The following C8G variants were observed in gnomAD, a reference collection of about 807,000 sequenced individuals.
C8G encodes the protein complement C8 gamma chain.
Under a neutral mutation model 29.1 loss-of-function variants are expected in C8G, and 38 were observed. The ratio of observed to expected loss-of-function variants is 1.31; its 90% CI spans 1.01 to 1.71. The LOEUF (loss-of-function observed/expected upper bound fraction) is 1.71. C8G is among the 40% of genes most tolerant of loss of function. The pLI is 0.00. For missense variants in C8G, 300 were observed against 267.4 expected, an observed-to-expected ratio of 1.12 and a Z score of -0.85; for synonymous variants, 158 against 113.2, an observed-to-expected ratio of 1.40 and a Z score of -2.51.
chr9:136,945,252 G>A lies in C8G; in HGVS notation c.-69G>A. ...GGCTGGGCTCTGTGACAGCAGAGTA[G>A]ACTCTGTCCTGGGACTTGGTGGTGC... On this transcript the variant is annotated 5_prime_UTR_variant, in exon 1 of 7. Coordinates refer to ENST00000371634, the MANE Select transcript of C8G (RefSeq NM_000606.3). The A allele has an allele frequency of 6.6e-7, 1 of 1,518,436 alleles. No individual in the cohort carries two copies. The highest frequency in any genetic ancestry group is 8.8e-7 in the Non-Finnish European group (1 of 1,131,780). The allele number at this position is 1,518,436 out of a possible 1,614,324, so 94.1% of individuals were successfully genotyped here. A position where few individuals can be genotyped will look rare whatever the true frequency, so the allele number is the denominator to read the frequency against.
At position 136,945,249 on chromosome 9, in the gene C8G, G is replaced by A; in HGVS notation, c.-72G>A. 6.6e-7 allele frequency: 1 copy of A among 1,516,236 alleles called. No homozygotes were observed. Among genetic ancestry groups the A allele is most frequent in the Non-Finnish European group, 8.8e-7 (1 of 1,131,068 alleles). 93.9% of individuals were successfully genotyped at this position (1,516,236 alleles called of 1,614,324 possible). On this transcript the variant is annotated 5_prime_UTR_variant, in exon 1 of 7. Transcript: ENST00000371634. ...CTGGGCTGGGCTCTGTGACAGCAGA[G>A]TAGACTCTGTCCTGGGACTTGGTGG...
rs560337682 is a variant in C8G, at chr9:136,946,143, C to G, written c.405C>G (p.Phe135Leu). 3.2e-6 allele frequency: 5 copies of G among 1,582,894 alleles called. No homozygotes were observed. The South Asian group carries it at 5.7e-5, about 18-fold the overall frequency. ...TCGCTGAGACCGACTACCAGAGTTT[C>G]GCTGTCCTGTACCTGGAGCGGGCGG... ...VVVAETDYQS[F>L]AVLYLERAGQ... The change falls in exon 4 of 7, where the codon TTC (phenylalanine) becomes TTG (leucine). Residue 135 changes from phenylalanine (F) to leucine (L), a missense_variant. By Grantham distance (22) the Phe-to-Leu change is conservative. Coordinates refer to ENST00000371634, the MANE Select transcript of C8G (RefSeq NM_000606.3).
chr9:136,946,324 G>T, intron 4 of C8G, 132 bp downstream of exon 4: 1 of 1,380,314 alleles, frequency 7.2e-7, no homozygotes, highest in South Asian at 1.4e-5. Flanking sequence ...TGCTAAGCAG[G>T]GGCCCAGGGA....
In C8G at chr9:136,946,239, C is replaced by T. The variant is rs946349629; in HGVS notation, c.454+47C>T. 17 of 1,487,820 alleles carry T rather than the reference C, an allele frequency of 1.1e-5. No individual in the cohort carries two copies. The South Asian group carries it at 1.9e-4, about 17-fold the overall frequency. The allele number at this position is 1,487,820 out of a possible 1,614,324, so 92.2% of individuals were successfully genotyped here. The stretch of plus-strand genomic sequence containing the variant: ...TGACCAGGCAGGCGCTCAAGCTCTG[C>T]ACACTCACTGGGCCACCCCGAGGGG... On this transcript the variant is annotated intron_variant, in intron 4 of 6. Coordinates refer to ENST00000371634, the MANE Select transcript of C8G (RefSeq NM_000606.3).
rs749325605 is a variant in C8G, at chr9:136,946,082, C to T, written c.347-3C>T. The stretch of plus-strand genomic sequence containing the variant: ...TGACATGGCTACTGTGGCTCTGCCC[C>T]AGCCCGAGACGCCCGAGGGGCTGTG... On this transcript the variant is annotated splice_polypyrimidine_tract_variant and splice_region_variant and intron_variant, in intron 3 of 6. Transcript: ENST00000371634. 2.5e-6 allele frequency: 4 copies of T among 1,605,872 alleles called. No homozygotes were observed. In the African/African-American group the frequency reaches 4.0e-5, roughly 16 times the overall value.
Position 136,946,879 on chromosome 9 carries a change from A to C in C8G, c.*98A>C. The stretch of plus-strand genomic sequence containing the variant: ...CTGTCCTCCGTGAAACCAGCCTCAG[A>C]TCAGGGCCCTGCCACCCAGGGCAGG... On this transcript the variant is annotated 3_prime_UTR_variant, in exon 7 of 7. Transcript: ENST00000371634. 6.9e-7 allele frequency: 1 copy of C among 1,453,636 alleles called. No individual in the cohort carries two copies. The highest frequency in any genetic ancestry group is 9.3e-7 in the Non-Finnish European group (1 of 1,072,388). The allele number at this position is 1,453,636 out of a possible 1,614,324, so 90.0% of individuals were successfully genotyped here.
rs1317552288 is a variant in C8G at position 136,945,983 on chromosome 9, C to A, written c.330C>A (p.Gly110=). ...RQLYGDTGVL[G]RFLLQARDAR... is the part of the protein sequence containing the mutation. ...TCTATGGAGACACAGGGGTCCTCGG[C>A]CGCTTCCTGCTTCAAGGTGAGGCAG... The change falls in exon 3 of 7, where the codon GGC becomes GGA. Residue 110 remains glycine, a synonymous_variant. Coordinates refer to ENST00000371634, the MANE Select transcript of C8G (RefSeq NM_000606.3). 3.2e-6 allele frequency: 5 copies of A among 1,579,290 alleles called. No homozygotes were observed. The highest frequency in any genetic ancestry group is 4.3e-6 in the Non-Finnish European group (5 of 1,162,768).
rs1487636839 is a variant in C8G at position 136,945,628 on chromosome 9, C to T, written c.139-6C>T. 6.2e-7 allele frequency: 1 copy of T among 1,609,094 alleles called. No homozygotes were observed. On this transcript the variant is annotated splice_region_variant and splice_polypyrimidine_tract_variant and intron_variant, in intron 1 of 6. Transcript: ENST00000371634. ...GCCCTCGAGTTCTCCCATGGTCTGCCCCCAGTTTGCAGGGACCTGGCTCCT... is the reference window on the plus strand; with the variant it reads ...GCCCTCGAGTTCTCCCATGGTCTGCTCCCAGTTTGCAGGGACCTGGCTCCT...
chr9:136,946,072 G>A lies in C8G; in HGVS notation c.347-13G>A, dbSNP rs758144204. 1.9e-6 allele frequency: 3 copies of A among 1,606,576 alleles called. No individual in the cohort carries two copies. In the South Asian group the frequency reaches 3.3e-5, roughly 18 times the overall value. ...TGTGGCTCTCTGACATGGCTACTGT[G>A]GCTCTGCCCCAGCCCGAGACGCCCG... On this transcript the variant is annotated splice_polypyrimidine_tract_variant and intron_variant, in intron 3 of 6. Transcript: ENST00000371634.
In C8G at chr9:136,946,399, A is replaced by G. The variant is rs556340253; in HGVS notation, c.455-66A>G. 215 of 1,499,608 alleles carry G rather than the reference A, an allele frequency of 1.4e-4. No individual in the cohort carries two copies. In the African/African-American group the frequency reaches 2.9e-3, roughly 20 times the overall value. 92.9% of individuals were successfully genotyped at this position (1,499,608 alleles called of 1,614,324 possible). On this transcript the variant is annotated intron_variant, in intron 4 of 6. Transcript: ENST00000371634. ...CCCCGAGGGGGCAGGGGACACACAG[A>G]CCCCGTTTCCAGAGCCCTCCACGCC...
intron 2 of C8G, 27 bp downstream of exon 2, chr9:136,945,797 T>TAACCCCAACCCTCC (rs1851016207): frequency 6.5e-7 from 1 of 1,541,982 alleles, no homozygotes; most frequent in Admixed American, 2.0e-5. Flanking sequence ...CCCTGCACCC[T>TAACCCCAACCCTCC]AACCCCAACC....
At chr9:136,946,264 G>C in intron 4 of C8G, 72 bp downstream of exon 4, 2 of 1,415,726 alleles carry the variant, frequency 1.4e-6, no homozygotes, top group Non-Finnish European at 1.9e-6. Flanking sequence ...ACCCCGAGGG[G>C]CTGGGTGAGC....
chr9:136,946,079 C>A lies in C8G; in HGVS notation c.347-6C>A. ...CTCTGACATGGCTACTGTGGCTCTG[C>A]CCCAGCCCGAGACGCCCGAGGGGCT... is the stretch of plus-strand genomic sequence containing the variant. On this transcript the variant is annotated splice_polypyrimidine_tract_variant and splice_region_variant and intron_variant, in intron 3 of 6. Coordinates refer to ENST00000371634, the MANE Select transcript of C8G (RefSeq NM_000606.3). 1 of 1,605,648 alleles carries A rather than the reference C, an allele frequency of 6.2e-7. No homozygotes were observed. The highest frequency in any genetic ancestry group is 8.5e-7 in the Non-Finnish European group (1 of 1,175,380).
At chr9:136,946,269 G>C in intron 4 of C8G, 77 bp downstream of exon 4, 1 of 1,402,730 alleles carries the variant, frequency 7.1e-7, no homozygotes, top group Non-Finnish European at 9.8e-7. Flanking sequence ...GAGGGGCTGG[G>C]TGAGCCCATG....
chr9:136,946,814 G>A lies in C8G; in HGVS notation c.*33G>A, dbSNP rs1263584107. The stretch of plus-strand genomic sequence containing the variant: ...ACACAGCTCCAGTGCTGAGAAGTCA[G>A]TGCCCCGAGAGACGACCCCACCAGT... On this transcript the variant is annotated 3_prime_UTR_variant, in exon 7 of 7. Coordinates refer to ENST00000371634, the MANE Select transcript of C8G (RefSeq NM_000606.3). 1.9e-6 allele frequency: 3 copies of A among 1,553,164 alleles called. No homozygotes were observed. The highest frequency in any genetic ancestry group is 2.6e-6 in the Non-Finnish European group (3 of 1,154,574).
At position 136,945,262 on chromosome 9, in the gene C8G, T is replaced by C; in HGVS notation, c.-59T>C. On this transcript the variant is annotated 5_prime_UTR_variant, in exon 1 of 7. Coordinates refer to ENST00000371634, the MANE Select transcript of C8G (RefSeq NM_000606.3). ...TGTGACAGCAGAGTAGACTCTGTCC[T>C]GGGACTTGGTGGTGCTACCCTTGGC... 1 of 1,537,488 alleles carries C rather than the reference T, an allele frequency of 6.5e-7. No individual in the cohort carries two copies. The highest frequency in any genetic ancestry group is 8.8e-7 in the Non-Finnish European group (1 of 1,139,788).
chr9:136,946,680 G>A lies in C8G; in HGVS notation c.586G>A (p.Val196Ile), dbSNP rs150744928. 2,680 of 1,612,580 alleles carry A rather than the reference G, an allele frequency of 1.7e-3. 12 individuals are homozygous for A. Among genetic ancestry groups the A allele is most frequent in the Middle Eastern group, 3.8e-3 (23 of 6,062 alleles). Reference protein sequence around the residue: ...GFCEAADQFHVLDEVRR With the variant: ...GFCEAADQFHILDEVRR ...CTGCGAGGCTGCAGACCAGTTCCAC[G>A]TCCTGGACGGTGAGTGCACAGCGGG... Residue 196 changes from valine (V) to isoleucine (I), a missense_variant, in exon 6 of 7, where the codon GTC becomes ATC. Transcript: ENST00000371634.
Position 136,945,422 on chromosome 9 carries a change from C to T in C8G, c.102C>T (p.Ser34=), listed in dbSNP as rs761166172. ...CACGCCGGCCCGCATCCCCCATCAG[C>T]ACCATCCAGCCCAAGGCCAATTTTG... ...QRPRRPASPI[S]TIQPKANFDA... The change falls in exon 1 of 7, where the codon AGC becomes AGT. Residue 34 remains serine (S), a synonymous_variant. Transcript: ENST00000371634. 3.8e-6 allele frequency: 6 copies of T among 1,591,526 alleles called. No homozygotes were observed. Among genetic ancestry groups the T allele is most frequent in the South Asian group, 1.1e-5 (1 of 87,970 alleles).
At chr9:136,946,265 C>G (rs1851036092) in intron 4 of C8G, 73 bp downstream of exon 4, 3 of 1,407,770 alleles carry the variant, frequency 2.1e-6, no homozygotes, top group Non-Finnish European at 2.9e-6. Context: ...CCCCGAGGGG[C>G]TGGGTGAGCC....
Sources: allele counts gnomAD v4.1 joint callset, GRCh38; gene constraint gnomAD v4.1.1; transcripts MANE v1.5; gene names NCBI Gene and HGNC (gene_info 2026-07-23, HGNC 2026-07-21).